ANKRD27: variants seen among roughly 807,000 people sequenced by gnomAD.
The protein encoded by ANKRD27 is ankyrin repeat domain-containing protein 27.
ANKRD27 carries 112 observed loss-of-function variants against 129.7 expected under a neutral mutation model. The observed-to-expected ratio is 0.86, with a 90% CI of 0.74 to 1.01. ANKRD27 has a LOEUF of 1.01. ANKRD27 is among the 50% of genes least tolerant of loss of function. The pLI is 0.00. For synonymous variants in ANKRD27, 516 were observed against 511.2 expected (o/e 1.01, Z -0.13); for missense variants, 1,258 against 1,300.5 (o/e 0.97, Z 0.50).
intron 2 of ANKRD27, among the ~76,000 whole-genome samples, chr19:32,652,885 G>A (rs1323189674): frequency 1.3e-5 from 2 of 152,128 alleles, no homozygotes; most frequent in African/African-American, 2.4e-5. Context: ...CCAAGATCAC[G>A]CCACTATACT....
chr19:32,658,310 T>C (rs259250), intron 2 of ANKRD27, among the ~76,000 whole-genome samples: 102,002 of 152,064 alleles, frequency 0.67, 34,404 homozygotes, highest in African/African-American at 0.7. Context: ...ACCCACAATG[T>C]GGGGCCCGCC....
In ANKRD27 at chr19:32,622,531, G is replaced by A. The variant is rs372410883; in HGVS notation, c.1718C>T (p.Ala573Val). ...EKGDTPLHIAARWGYQGVIET... is the reference protein window; with the variant it reads ...EKGDTPLHIAVRWGYQGVIET... Reference sequence around the variant, plus strand: ...TATGACGCCTTGGTAGCCCCAGCGGGCAGCAATGTGTAGAGGGGTGTCTCC... The same window carrying A: ...TATGACGCCTTGGTAGCCCCAGCGGACAGCAATGTGTAGAGGGGTGTCTCC... The change falls in exon 18 of 29, where the codon GCC becomes GTC. Residue 573 changes from alanine to valine, a missense_variant. Coordinates refer to ENST00000306065, the MANE Select transcript of ANKRD27 (RefSeq NM_032139.3). 9.3e-6 allele frequency: 15 copies of A among 1,614,084 alleles called. No individual in the cohort carries two copies. The highest frequency in any genetic ancestry group is 3.4e-6 in the Non-Finnish European group (4 of 1,180,040).
chr19:32,632,948 C>CA (rs1288939985), intron 12 of ANKRD27, among the ~76,000 whole-genome samples: 13 of 152,308 alleles, frequency 8.5e-5, no homozygotes, highest in Middle Eastern at 6.8e-3. Context: ...GTTAACTTAG[C>CA]AAATGAACAG....
chr19:32,600,189 C>T, intron 26 of ANKRD27, 139 bp from the exon 27 acceptor site: 1 of 641,256 alleles, frequency 1.6e-6, no homozygotes, highest in Non-Finnish European at 2.7e-6. Flanking sequence ...CTTAAAGAAA[C>T]ACAGCTAGTA....
At chr19:32,663,265 C>T (rs547092101) in intron 1 of ANKRD27, among the ~76,000 whole-genome samples, 14 of 152,114 alleles carry the variant, frequency 9.2e-5, no homozygotes, top group Non-Finnish European at 1.3e-4. Context: ...CAGAATACAG[C>T]CCCTTGAGGG....
At position 32,626,636 on chromosome 19, in the gene ANKRD27, T is replaced by G. The variant is rs908621091; in HGVS notation, c.1536+76A>C. Reference sequence around the variant, plus strand: ...AGACAGGGGTGCAGGGTAGCCAGCATGACCGTACAGTCACCACGCAGAACC... The same window carrying G: ...AGACAGGGGTGCAGGGTAGCCAGCAGGACCGTACAGTCACCACGCAGAACC... On this transcript the variant is annotated intron_variant, in intron 16 of 28. Transcript: ENST00000306065. The G allele has an allele frequency of 6.2e-6, 7 of 1,133,070 alleles. No homozygotes were observed. The African/African-American group carries it at 6.2e-5, about 10-fold the overall frequency. 70.2% of individuals were successfully genotyped at this position (1,133,070 alleles called of 1,614,324 possible).
chr19:32,630,286 C>T (rs947896965), intron 13 of ANKRD27, among the ~76,000 whole-genome samples: 9 of 152,344 alleles, frequency 5.9e-5, no homozygotes, highest in Non-Finnish European at 1.3e-4. Flanking sequence ...GGAAGCACAG[C>T]AGCCTCCCCC....
chr19:32,604,192 TA>T, intron 25 of ANKRD27, 70 bp downstream of exon 25: 2 of 1,496,136 alleles, frequency 1.3e-6, no homozygotes, highest in Non-Finnish European at 1.8e-6. Flanking sequence ...AGATCCAGCT[TA>T]AACAAAGGGA....
chr19:32,663,441 A>T (rs946841689), intron 1 of ANKRD27, among the ~76,000 whole-genome samples: 1 of 152,250 alleles, frequency 6.6e-6, no homozygotes, highest in Admixed American at 6.5e-5. Context: ...GATAGTCCTT[A>T]TGATTTCTAA....
chr19:32,652,300 T>C (rs1311759243), intron 2 of ANKRD27, among the ~76,000 whole-genome samples: 1 of 152,154 alleles, frequency 6.6e-6, no homozygotes, highest in East Asian at 1.9e-4. Flanking sequence ...TCACAGTAAT[T>C]AAAGAAAGGC....
chr19:32,617,831 C>T (rs1256966529), intron 20 of ANKRD27, among the ~76,000 whole-genome samples, 198 bp from the exon 21 acceptor site: 2 of 151,292 alleles, frequency 1.3e-5, no homozygotes, highest in African/African-American at 2.4e-5. Flanking sequence ...CTCGGCTCAC[C>T]GCAACCTCCG....
intron 17 of ANKRD27, 97 bp from the exon 18 acceptor site, chr19:32,622,716 AACAG>A (rs1217124764): frequency 2.0e-5 from 21 of 1,068,066 alleles, no homozygotes; most frequent in African/African-American, 3.1e-5. Context: ...AATGTGCAGT[AACAG>A]ACAGAACTCA....
At chr19:32,658,309 GT>G (rs1324325584) in intron 2 of ANKRD27, among the ~76,000 whole-genome samples, 1 of 152,172 alleles carries the variant, frequency 6.6e-6, no homozygotes, top group Non-Finnish European at 1.5e-5. Context: ...GACCCACAAT[GT>G]GGGGCCCGCC....
At chr19:32,607,961 T>C in intron 22 of ANKRD27, 129 bp from the exon 23 acceptor site, 1 of 982,484 alleles carries the variant, frequency 1.0e-6, no homozygotes. Flanking sequence ...CCAGGATGGA[T>C]TCCAATTTGT....
At chr19:32,666,399 T>C (rs898309407) in intron 1 of ANKRD27, 2 of 152,156 alleles carry the variant, frequency 1.3e-5, no homozygotes, top group African/African-American at 4.8e-5. Flanking sequence ...GACTGAAAGG[T>C]CTGTGAACGG....
At position 32,614,361 on chromosome 19, in the gene ANKRD27, T is replaced by C. The variant is rs114738320; in HGVS notation, c.2175+1297A>G. 3.9e-3 allele frequency among the ~76,000 whole-genome samples: 595 copies of C among 152,276 alleles called. 6 individuals carry two copies. Among genetic ancestry groups the C allele is most frequent in the African/African-American group, 0.014 (568 of 41,538 alleles). On this transcript the variant is annotated intron_variant, in intron 22 of 28. Coordinates refer to ENST00000306065, the MANE Select transcript of ANKRD27 (RefSeq NM_032139.3). ...ATTTAATCAAAGATATAAAGCAGTT[T>C]AGTGTTCTGTCTTTTTGAGACATTA...
intron 10 of ANKRD27, among the ~76,000 whole-genome samples, chr19:32,641,229 T>A (rs1321121140): frequency 6.7e-6 from 1 of 148,738 alleles, no homozygotes; most frequent in South Asian, 2.1e-4. Context: ...AAAAAAAAAA[T>A]ATGTTAACTC....
Position 32,643,651 on chromosome 19 carries a change from G to C in ANKRD27, c.526-20C>G, listed in dbSNP as rs756397459. The C allele has an allele frequency of 6.2e-7, 1 of 1,613,606 alleles. No homozygotes were observed. Among genetic ancestry groups the C allele is most frequent in the Admixed American group, 1.7e-5 (1 of 60,004 alleles). On this transcript the variant is annotated intron_variant, in intron 5 of 28. Coordinates refer to ENST00000306065, the MANE Select transcript of ANKRD27 (RefSeq NM_032139.3). ...TGAGTCCTAAACCACATAGAGCAGA[G>C]GGACAGGCCACCCTTACCAGCAAGG... is the stretch of plus-strand genomic sequence containing the variant.
chr19:32,627,725 A>G (rs978650535), intron 15 of ANKRD27, among the ~76,000 whole-genome samples: 5 of 152,196 alleles, frequency 3.3e-5, no homozygotes, highest in Admixed American at 6.5e-5. Context: ...GACAATAATA[A>G]TATTTTTTTA....
Sources: allele counts gnomAD v4.1 joint callset (sites outside exome capture counted in the v4.1 genomes callset), GRCh38; gene constraint gnomAD v4.1.1; transcripts MANE v1.5; gene names NCBI Gene and HGNC (gene_info 2026-07-23, HGNC 2026-07-21).